The following PTPRD variants were observed in gnomAD, a reference collection of about 807,000 sequenced individuals.
PTPRD encodes receptor-type tyrosine-protein phosphatase delta.
Under a neutral mutation model 214.5 loss-of-function variants are expected in PTPRD, and 34 were observed. That is an observed-to-expected ratio of 0.16 (90% CI 0.12 to 0.21). The LOEUF is 0.21. Ranked by LOEUF, PTPRD falls within the 10% of genes least tolerant of loss-of-function variation. The pLI, the probability that PTPRD is intolerant of heterozygous loss-of-function variation, is 1.00. For missense variants in PTPRD, 2,545 were observed against 2,398.7 expected (o/e 1.06, Z -1.27); for synonymous variants, 1,128 against 845.7 (o/e 1.33, Z -5.79).
intron 10 of PTPRD, among the ~76,000 whole-genome samples, chr9:9,099,836 C>T (rs2099788891): frequency 6.6e-6 from 1 of 152,062 alleles, no homozygotes; most frequent in Non-Finnish European, 1.5e-5. Flanking sequence ...AGATCAAACT[C>T]ATTGCTTTTG....
At chr9:9,930,295 G>T (rs1184633463) in intron 5 of PTPRD, among the ~76,000 whole-genome samples, 3 of 152,154 alleles carry the variant, frequency 2.0e-5, no homozygotes, top group African/African-American at 7.2e-5. Context: ...ATGGACATAA[G>T]TGAGATCATT....
At chr9:8,419,664 C>T (rs2094213393) in intron 35 of PTPRD, among the ~76,000 whole-genome samples, 1 of 151,072 alleles carries the variant, frequency 6.6e-6, no homozygotes, top group South Asian at 2.1e-4. Context: ...CTCGGGGGGG[C>T]ATATATTTCA....
chr9:9,811,977 A>G (rs1235964321), intron 5 of PTPRD, among the ~76,000 whole-genome samples: 1 of 152,124 alleles, frequency 6.6e-6, no homozygotes, highest in Non-Finnish European at 1.5e-5. Flanking sequence ...AAAAAAATGC[A>G]CCAGCTACTT....
chr9:8,727,164 G>C (rs1053231685), intron 12 of PTPRD, among the ~76,000 whole-genome samples: 2 of 152,170 alleles, frequency 1.3e-5, no homozygotes, highest in African/African-American at 4.8e-5. Flanking sequence ...TCCATCCTTA[G>C]AGTTTAGGGC....
intron 3 of PTPRD, among the ~76,000 whole-genome samples, chr9:10,207,733 TATTTA>T (rs1564528463): frequency 6.6e-6 from 1 of 151,782 alleles, no homozygotes; most frequent in Non-Finnish European, 1.5e-5. Flanking sequence ...ATTATATATA[TATTTA>T]ATAATTCTCA....
chr9:9,775,311 G>T (rs2098788717), intron 5 of PTPRD, among the ~76,000 whole-genome samples: 1 of 152,108 alleles, frequency 6.6e-6, no homozygotes, highest in South Asian at 2.1e-4. Context: ...GAAGCTGAAG[G>T]GCTGGTTCCT....
chr9:9,877,077 T>A (rs949206058), intron 5 of PTPRD, among the ~76,000 whole-genome samples: 8 of 152,122 alleles, frequency 5.3e-5, no homozygotes, highest in African/African-American at 1.9e-4. Flanking sequence ...AATTCAAGCA[T>A]CCAGGCACCA....
At chr9:9,840,937 A>G (rs2058179234) in intron 5 of PTPRD, among the ~76,000 whole-genome samples, 1 of 152,114 alleles carries the variant, frequency 6.6e-6, no homozygotes, top group South Asian at 2.1e-4. Flanking sequence ...CTGTTCTTAA[A>G]TAGAGATGGA....
At chr9:10,069,055 C>T (rs551959428) in intron 3 of PTPRD, among the ~76,000 whole-genome samples, 2 of 151,942 alleles carry the variant, frequency 1.3e-5, no homozygotes, top group Admixed American at 6.6e-5. Flanking sequence ...AGATCCTATT[C>T]AGCCTTTTGG....
intron 26 of PTPRD, among the ~76,000 whole-genome samples, chr9:8,493,544 C>A (rs2097192926): frequency 6.6e-6 from 1 of 152,188 alleles, no homozygotes; most frequent in Admixed American, 6.5e-5. Context: ...TGTTGTTGGA[C>A]CTAGATACCC....
intron 2 of PTPRD, among the ~76,000 whole-genome samples, chr9:10,482,613 A>G (rs1365614639): frequency 6.6e-6 from 1 of 152,108 alleles, no homozygotes; most frequent in Non-Finnish European, 1.5e-5. Flanking sequence ...GAATTCAGAA[A>G]AGTTTCAGGT....
At chr9:8,527,015 C>T (rs991449718) in intron 16 of PTPRD, among the ~76,000 whole-genome samples, 1 of 151,492 alleles carries the variant, frequency 6.6e-6, no homozygotes, top group Non-Finnish European at 1.5e-5. Context: ...ACTGGCTAAT[C>T]TATTTAAGTA....
rs560044813 is a variant in PTPRD, at chr9:9,816,542, A to C, written c.-367-49691T>G. Among the ~76,000 whole-genome samples, 74 of 152,192 alleles carry C rather than the reference A, an allele frequency of 4.9e-4. 1 individual carries two copies. Among genetic ancestry groups the C allele is most frequent in the African/African-American group, 1.7e-3 (71 of 41,560 alleles). The stretch of plus-strand genomic sequence containing the variant: ...AATATAGTTGAATATATATTTGAAC[A>C]ATATATTTGAATAATATATTGAACA... On this transcript the variant is annotated intron_variant, in intron 5 of 45. Transcript: ENST00000381196.
chr9:8,514,030 A>T (rs2097734697), intron 21 of PTPRD, among the ~76,000 whole-genome samples: 1 of 152,068 alleles, frequency 6.6e-6, no homozygotes, highest in African/African-American at 2.4e-5. Context: ...ATTCATCTAG[A>T]TTTTCTGAGT....
At chr9:10,160,050 A>G (rs2099118208) in intron 3 of PTPRD, among the ~76,000 whole-genome samples, 1 of 152,052 alleles carries the variant, frequency 6.6e-6, no homozygotes, top group Non-Finnish European at 1.5e-5. Context: ...GAGTGGCTGA[A>G]TGGATAAAGA....
Position 9,308,146 on chromosome 9 carries a change from T to A in PTPRD, c.-203+89303A>T, listed in dbSNP as rs538929971. Among the ~76,000 whole-genome samples, 3 of 152,312 alleles carry A rather than the reference T, an allele frequency of 2.0e-5. No individual in the cohort carries two copies. In the South Asian group the frequency reaches 6.2e-4, roughly 32 times the overall value. On this transcript the variant is annotated intron_variant, in intron 9 of 45. Coordinates refer to ENST00000381196, the MANE Select transcript of PTPRD (RefSeq NM_002839.4). ...TAAATTTCACTCTTACCATGTGTGA[T>A]CTAATTTGTGTTAGGCTCTTTTTAA...
chr9:8,658,317 A>C (rs1255829931), intron 12 of PTPRD, among the ~76,000 whole-genome samples: 1 of 152,194 alleles, frequency 6.6e-6, no homozygotes, highest in East Asian at 1.9e-4. Context: ...GTTGCAATAA[A>C]TGTTCAATAT....
intron 2 of PTPRD, among the ~76,000 whole-genome samples, chr9:10,434,909 T>G (rs1369473863): frequency 6.6e-6 from 1 of 151,904 alleles, no homozygotes; most frequent in Non-Finnish European, 1.5e-5. Flanking sequence ...TTAGTGCATC[T>G]TAATTTTTTG....
chr9:10,453,641 T>C (rs1262248034), intron 2 of PTPRD, among the ~76,000 whole-genome samples: 1 of 151,714 alleles, frequency 6.6e-6, no homozygotes, highest in Non-Finnish European at 1.5e-5. Flanking sequence ...CTTGTGTATG[T>C]TGATTTAGAA....
Sources: allele counts gnomAD v4.1 joint callset (sites outside exome capture counted in the v4.1 genomes callset), GRCh38; gene constraint gnomAD v4.1.1; transcripts MANE v1.5; gene names NCBI Gene and HGNC (gene_info 2026-07-23, HGNC 2026-07-21).